Variants in PDGFA observed in about 807,000 individuals in gnomAD.
PDGFA encodes platelet-derived growth factor subunit A.
In PDGFA, 9 loss-of-function variants were observed where a neutral mutation model predicts 25.6. The observed-to-expected ratio is 0.35, with a 90% CI of 0.21 to 0.61. The LOEUF (loss-of-function observed/expected upper bound fraction) is 0.61, where lower values mean the gene tolerates loss of function less well. Among genes scored for constraint, PDGFA ranks in the 20% least tolerant of loss-of-function variants. The probability of loss-of-function intolerance (pLI) is 0.75; values close to 1 mark genes in which losing one functional copy is unlikely to be tolerated. For missense variants in PDGFA, 242 were observed against 272.8 expected (o/e 0.89, Z 0.79); for synonymous variants, 133 against 111.8 (o/e 1.19, Z -1.20).
At chr7:501,314 G>A (rs889833866) in intron 4 of PDGFA, 72 bp from the exon 5 acceptor site, 25 of 1,588,002 alleles carry the variant, frequency 1.6e-5, no homozygotes, top group Middle Eastern at 1.7e-4. Context: ...GCTGGGAGCC[G>A]GGGACAGGCT....
rs1185563381 is a variant in PDGFA at position 500,626 on chromosome 7, G to A, written c.580+490C>T. 3 of 1,506,282 alleles carry A rather than the reference G, an allele frequency of 2.0e-6. No homozygotes were observed. Among genetic ancestry groups the A allele is most frequent in the Middle Eastern group, 2.5e-4 (1 of 4,078 alleles). 93.3% of individuals were successfully genotyped at this position (1,506,282 alleles called of 1,614,324 possible). On this transcript the variant is annotated intron_variant, in intron 5 of 5. Coordinates refer to ENST00000402802, the Ensembl canonical transcript of PDGFA. The surrounding 1 kb of genome is among the most constrained non-coding windows in gnomAD (Gnocchi z 5.0). ...GAGAAGGCCAGCACCCTGGCACCGAGAAACTTCTGAGTCCCCTCATGCTCC... is the reference window on the plus strand; with the variant it reads ...GAGAAGGCCAGCACCCTGGCACCGAAAAACTTCTGAGTCCCCTCATGCTCC...
At chr7:512,410 T>C (rs1429159113) in exon 3 of PDGFA, 32 of 1,613,674 alleles carry the variant, frequency 2.0e-5, no homozygotes, top group Non-Finnish European at 2.5e-5. Context: ...CTTAGTGGCA[T>C]GGACCCCGTG....
In PDGFA at chr7:517,934, C is replaced by A. The variant is rs1783182134; in HGVS notation, c.64-444G>T. Reference sequence around the variant, plus strand: ...CCCTAACACTTTAATCCAGGCAGGGCTTAAATTTCACGCCCCGGAATCCCG... The same window carrying A: ...CCCTAACACTTTAATCCAGGCAGGGATTAAATTTCACGCCCCGGAATCCCG... On this transcript the variant is annotated intron_variant, in intron 1 of 5. Coordinates refer to ENST00000402802, the Ensembl canonical transcript of PDGFA. This position sits in a 1 kb window ranked among gnomAD's most constrained non-coding sequence, Gnocchi z 7.4. Among the ~76,000 whole-genome samples the A allele has an allele frequency of 6.6e-6, 1 of 152,154 alleles. No individual in the cohort carries two copies. The highest frequency in any genetic ancestry group is 1.5e-5 in the Non-Finnish European group (1 of 68,034).
chr7:500,772 G>A lies in PDGFA; in HGVS notation c.580+344C>T, dbSNP rs770394278. ...TGCAGTCCTCGAACCTGCTCCTCCC[G>A]CCCACCCTGGCAGGAGGCCCTTCTG... On this transcript the variant is annotated intron_variant, in intron 5 of 5. Transcript: ENST00000402802. The surrounding 1 kb of genome is among the most constrained non-coding windows in gnomAD (Gnocchi z 5.0). 198 of 1,438,566 alleles carry A rather than the reference G, an allele frequency of 1.4e-4. No homozygotes were observed. The highest frequency in any genetic ancestry group is 1.6e-4 in the Non-Finnish European group (181 of 1,098,068). The allele number at this position is 1,438,566 out of a possible 1,614,324, so 89.1% of individuals were successfully genotyped here. A position where few individuals can be genotyped will look rare whatever the true frequency, so the allele number is the denominator to read the frequency against.
At position 512,964 on chromosome 7, in the gene PDGFA, C is replaced by G. The variant is rs541895695; in HGVS notation, c.161-509G>C. On this transcript the variant is annotated intron_variant, in intron 2 of 5. Transcript: ENST00000402802. ...CCTGTACGTCTCCCTCCCTCCCCCT[C>G]ACTAAAGCACTCCTGGAAGAAGTGG... 1.8e-5 allele frequency: 4 copies of G among 225,196 alleles called. No homozygotes were observed. The South Asian group carries it at 2.9e-4, about 16-fold the overall frequency. The allele number at this position is 225,196 out of a possible 1,614,324, so 13.9% of individuals were successfully genotyped here.
intron 2 of PDGFA, among the ~76,000 whole-genome samples, chr7:515,249 C>T (rs1783035567): frequency 6.6e-6 from 1 of 152,194 alleles, no homozygotes; most frequent in South Asian, 2.1e-4. Context: ...GCCCCTTCCT[C>T]ATGAGCCCCT....
Position 517,521 on chromosome 7 carries a change from GCGGCCCCGACCCCGCCGGCACGCGCCCC to G in PDGFA, c.64-59_64-32del. The G allele has an allele frequency of 9.0e-7, 1 of 1,106,378 alleles. No individual in the cohort carries two copies. Among genetic ancestry groups the G allele is most frequent in the Non-Finnish European group, 1.1e-6 (1 of 873,742 alleles). 68.5% of individuals were successfully genotyped at this position (1,106,378 alleles called of 1,614,324 possible). A position where few individuals can be genotyped will look rare whatever the true frequency, so the allele number is the denominator to read the frequency against. ...AGCAGAGGCCACACGGTCAGCGCCC[GCGGCCCCGACCCCGCCGGCACGCGCCCC>G]CGGCCGCCAGGAGCGCCGCCGCCCC... is the stretch of plus-strand genomic sequence containing the variant. On this transcript the variant is annotated intron_variant, in intron 1 of 5. Transcript: ENST00000402802. This position sits in a 1 kb window ranked among gnomAD's most constrained non-coding sequence, Gnocchi z 7.4.
In PDGFA at chr7:498,593, G is replaced by C; in HGVS notation, c.581-19C>G. 1 of 1,609,266 alleles carries C rather than the reference G, an allele frequency of 6.2e-7. No individual in the cohort carries two copies. Among genetic ancestry groups the C allele is most frequent in the Non-Finnish European group, 8.5e-7 (1 of 1,177,904 alleles). Reference sequence around the variant, plus strand: ...CTCACATCTGCAGGGAGAAGGGAAAGACAGACACTGAGACCACCGACCAAG... The same window carrying C: ...CTCACATCTGCAGGGAGAAGGGAAACACAGACACTGAGACCACCGACCAAG... On this transcript the variant is annotated intron_variant, in intron 5 of 5. Coordinates refer to ENST00000402802, the Ensembl canonical transcript of PDGFA.
intron 2 of PDGFA, among the ~76,000 whole-genome samples, chr7:515,427 C>A (rs1158843735): frequency 6.6e-6 from 1 of 152,190 alleles, no homozygotes; most frequent in Non-Finnish European, 1.5e-5. Context: ...GCTGGAGGAG[C>A]AGCCGGTGCC....
In PDGFA at chr7:498,430, G is replaced by A. The variant is rs13308168; in HGVS notation, c.*134C>T. On this transcript the variant is annotated 3_prime_UTR_variant, in exon 6 of 6. Transcript: ENST00000402802. ...ATGTGCACTGTCTCTTTGTTCTCCC[G>A]AGTGTTCTCGGACACAGTTTTTCAC... The A allele has an allele frequency of 1.1e-5, 9 of 805,794 alleles. No homozygotes were observed. The East Asian group carries it at 1.3e-4, about 12-fold the overall frequency. 49.9% of individuals were successfully genotyped at this position (805,794 alleles called of 1,614,324 possible). A position where few individuals can be genotyped will look rare whatever the true frequency, so the allele number is the denominator to read the frequency against.
rs999736068 is a variant in PDGFA, at chr7:511,006, C to T, written c.266-10G>A. 5.9e-5 allele frequency: 95 copies of T among 1,609,372 alleles called. No individual in the cohort carries two copies. In the Middle Eastern group the frequency reaches 1.5e-3, roughly 25 times the overall value. ...GCGGGGACAGCTTCCTCTGCAACGG[C>T]GGGGGCACAGTGAGCGGGGACCGGC... On this transcript the variant is annotated splice_polypyrimidine_tract_variant and intron_variant, in intron 3 of 5. Coordinates refer to ENST00000402802, the Ensembl canonical transcript of PDGFA.
intron 4 of PDGFA, among the ~76,000 whole-genome samples, chr7:508,983 A>C (rs554585196): frequency 6.6e-6 from 1 of 152,384 alleles, no homozygotes; most frequent in East Asian, 1.9e-4. Context: ...CAGGTGAGGA[A>C]AATGAGGCCA....
chr7:498,678 C>A, intron 5 of PDGFA, 104 bp from the exon 6 acceptor site: 1 of 1,034,954 alleles, frequency 9.7e-7, no homozygotes, highest in Non-Finnish European at 1.5e-6. Context: ...ACATTTAACC[C>A]AATCAGGGGC....
intron 2 of PDGFA, among the ~76,000 whole-genome samples, chr7:514,944 C>G (rs1466959288): frequency 6.6e-6 from 1 of 151,980 alleles, no homozygotes; most frequent in South Asian, 2.1e-4. Flanking sequence ...CCGTGCTCCT[C>G]CAGCCACAGT....
intron 3 of PDGFA, among the ~76,000 whole-genome samples, chr7:511,323 CAG>C (rs1782830056): frequency 1.3e-5 from 1 of 78,756 alleles, no homozygotes; most frequent in East Asian, 3.7e-4. Flanking sequence ...CAGGTGGGGC[CAG>C]AGACTGGGGG....
chr7:512,812 G>A, intron 2 of PDGFA: 1 of 465,582 alleles, frequency 2.1e-6, no homozygotes, highest in Non-Finnish European at 3.6e-6. Flanking sequence ...CTGCCCCGGG[G>A]CAGGAGGGGC....
upstream of PDGFA, chr7:520,135 T>G (rs1482132920): frequency 1.1e-5 from 4 of 361,520 alleles, no homozygotes; most frequent in Admixed American, 1.3e-4. Flanking sequence ...CCAGCTGCAA[T>G]CCTGCGGCAC....
chr7:499,937 G>C (rs1003390910), intron 5 of PDGFA, among the ~76,000 whole-genome samples: 5 of 152,040 alleles, frequency 3.3e-5, no homozygotes, highest in African/African-American at 1.2e-4. Flanking sequence ...TCCCTGTGCT[G>C]TCTGGTGTTA....
intron 4 of PDGFA, among the ~76,000 whole-genome samples, chr7:506,593 G>A (rs1187776016): frequency 2.6e-5 from 4 of 152,160 alleles, no homozygotes; most frequent in Admixed American, 1.3e-4. Flanking sequence ...AGCCAGCTCC[G>A]TCCAGGCTAG....
Sources: allele counts gnomAD v4.1 joint callset (sites outside exome capture counted in the v4.1 genomes callset), GRCh38; gene constraint gnomAD v4.1.1; non-coding constraint Gnocchi (gnomAD v3.1); transcripts MANE v1.5; gene names NCBI Gene and HGNC (gene_info 2026-07-23, HGNC 2026-07-21).